The following FHAD1 variants were observed in gnomAD, a reference collection of about 807,000 sequenced individuals.
FHAD1 encodes forkhead-associated domain-containing protein 1.
A neutral mutation model predicts 191.3 loss-of-function variants in FHAD1; 146 were observed. The observed-to-expected ratio is 0.76, with a 90% CI of 0.67 to 0.88. FHAD1 has a LOEUF of 0.88. Ranked by LOEUF, FHAD1 falls within the 40% of genes least tolerant of loss-of-function variation. The pLI is 0.00. For synonymous variants in FHAD1, 616 were observed against 672.3 expected (o/e 0.92, Z 1.29); for missense variants, 1,635 against 1,785.8 (o/e 0.92, Z 1.52).
intron 28 of FHAD1, among the ~76,000 whole-genome samples, chr1:15,378,380 A>G (rs1253949552): frequency 6.6e-6 from 1 of 152,278 alleles, no homozygotes; most frequent in Non-Finnish European, 1.5e-5. Flanking sequence ...TGACAGAGCC[A>G]GGACTGTGTC....
At chr1:15,337,060 T>C (rs1017454871) in intron 14 of FHAD1, among the ~76,000 whole-genome samples, 3 of 152,204 alleles carry the variant, frequency 2.0e-5, no homozygotes, top group Non-Finnish European at 2.9e-5. Flanking sequence ...CAGGAGGGGC[T>C]GCCAGGAAAG....
chr1:15,397,274 G>GC (rs1557481230), intron 33 of FHAD1, 23 bp from the exon 34 acceptor site: 1 of 1,267,466 alleles, frequency 7.9e-7, no homozygotes, highest in African/African-American at 1.5e-5. Flanking sequence ...GAGTTTGTGT[G>GC]TTTTTTCTCT....
chr1:15,360,638 A>G lies in FHAD1; in HGVS notation c.2897A>G (p.Gln966Arg). 3.2e-6 allele frequency: 5 copies of G among 1,552,042 alleles called. No individual in the cohort carries two copies. Among genetic ancestry groups the G allele is most frequent in the Non-Finnish European group, 3.5e-6 (4 of 1,147,070 alleles). Residue 966 changes from glutamine to arginine, a missense_variant, in exon 22 of 34, where the codon CAG (glutamine) becomes CGG (arginine). Gln to Arg is a conservative substitution (Grantham distance 43, BLOSUM62 1). Coordinates refer to ENST00000688493, the MANE Select transcript of FHAD1 (RefSeq NM_001391957.1). ...QTIVSLEEKL[Q>R]KVTQHHKKIE... The stretch of plus-strand genomic sequence containing the variant: ...ATTGTGAGCCTCGAAGAGAAACTCC[A>G]GAAAGTCACTCAGCACCATAAAAAA...
chr1:15,400,669 T>C (rs1707083293), downstream of FHAD1, among the ~76,000 whole-genome samples: 1 of 152,200 alleles, frequency 6.6e-6, no homozygotes, highest in Non-Finnish European at 1.5e-5. Context: ...TAACAAAGAA[T>C]TATTTGATCT....
intron 33 of FHAD1, among the ~76,000 whole-genome samples, chr1:15,394,902 A>G (rs1016411139): frequency 1.3e-5 from 2 of 152,172 alleles, no homozygotes; most frequent in African/African-American, 4.8e-5. Flanking sequence ...AGTATTATCC[A>G]CAGTGTGTCC....
intron 4 of FHAD1, among the ~76,000 whole-genome samples, chr1:15,293,447 C>T (rs563641621): frequency 3.5e-4 from 53 of 152,250 alleles, no homozygotes; most frequent in South Asian, 3.3e-3. Flanking sequence ...TGGCCAGGCG[C>T]GGTGGCTCAT....
At chr1:15,313,883 C>T (rs940831992) in intron 8 of FHAD1, among the ~76,000 whole-genome samples, 1 of 151,630 alleles carries the variant, frequency 6.6e-6, no homozygotes, top group African/African-American at 2.4e-5. Context: ...CCAGCCTGGC[C>T]AACATGGTGA....
chr1:15,265,462 A>G (rs1310289866), intron 2 of FHAD1, among the ~76,000 whole-genome samples: 1 of 152,194 alleles, frequency 6.6e-6, no homozygotes, highest in East Asian at 1.9e-4. Flanking sequence ...TTATCTAAAT[A>G]CAGGAGGGAG....
rs144726884 is a variant in FHAD1 at position 15,273,018 on chromosome 1, A to G, written c.300+489A>G. On this transcript the variant is annotated intron_variant, in intron 3 of 33. Transcript: ENST00000688493. The stretch of plus-strand genomic sequence containing the variant: ...ACGCTCTTAACACATAAGCGCCTGA[A>G]AAGCCAAATCTGTGAAGTCCGAGCC... Among the ~76,000 whole-genome samples the G allele has an allele frequency of 2.2e-4, 33 of 152,268 alleles. No individual in the cohort carries two copies. In the East Asian group the frequency reaches 6.2e-3, roughly 28 times the overall value.
At position 15,310,206 on chromosome 1, in the gene FHAD1, C is replaced by T. The variant is rs114970113; in HGVS notation, c.1039+1470C>T. 4.3e-3 allele frequency among the ~76,000 whole-genome samples: 649 copies of T among 152,300 alleles called. 5 individuals are homozygous for T. Among genetic ancestry groups the T allele is most frequent in the Non-Finnish European group, 7.3e-3 (495 of 68,006 alleles). On this transcript the variant is annotated intron_variant, in intron 7 of 33. Coordinates refer to ENST00000688493, the MANE Select transcript of FHAD1 (RefSeq NM_001391957.1). ...TCCCCCCTGCACAGCAGGAAACATG[C>T]CCGTGGCTGTGAAAGCAGAGCGTAG...
At chr1:15,303,023 G>GTTCA (rs1669310037) in intron 6 of FHAD1, among the ~76,000 whole-genome samples, 2 of 152,184 alleles carry the variant, frequency 1.3e-5, no homozygotes, top group African/African-American at 4.8e-5. Flanking sequence ...GACAGTGTCT[G>GTTCA]TTCATTCATT....
At chr1:15,358,069 T>A in intron 20 of FHAD1, 41 bp from the exon 21 acceptor site, 1 of 1,401,786 alleles carries the variant, frequency 7.1e-7, no homozygotes. Context: ...AAATATGTAT[T>A]CCTGAATGTC....
At chr1:15,241,330 T>C (rs1033618514) in intron 1 of FHAD1, among the ~76,000 whole-genome samples, 2 of 152,086 alleles carry the variant, frequency 1.3e-5, no homozygotes, top group Non-Finnish European at 2.9e-5. Context: ...AAGATGGAAT[T>C]TGTAGGATCC....
intron 23 of FHAD1, among the ~76,000 whole-genome samples, chr1:15,365,335 TTC>T (rs1468717041): frequency 6.6e-6 from 1 of 152,006 alleles, no homozygotes; most frequent in East Asian, 1.9e-4. Context: ...TCTTTTTTCT[TTC>T]TTTCTTTTTT....
chr1:15,310,467 C>T (rs1574217148), intron 7 of FHAD1, among the ~76,000 whole-genome samples: 1 of 152,274 alleles, frequency 6.6e-6, no homozygotes, highest in Non-Finnish European at 1.5e-5. Context: ...TCCATCACAC[C>T]CCATCCACGC....
intron 23 of FHAD1, chr1:15,364,092 G>A (rs555147802): frequency 5.3e-5 from 13 of 246,762 alleles, no homozygotes; most frequent in Admixed American, 2.1e-4. Context: ...CTTCCTTGGC[G>A]TGTGAACATG....
At chr1:15,330,315 ACTTT>A (rs1223895442) in intron 14 of FHAD1, among the ~76,000 whole-genome samples, 1 of 152,142 alleles carries the variant, frequency 6.6e-6, no homozygotes, top group African/African-American at 2.4e-5. Flanking sequence ...GGTATGAATC[ACTTT>A]CTTTCAACAA....
chr1:15,369,324 T>C, intron 25 of FHAD1, 46 bp from the exon 26 acceptor site: 3 of 1,548,148 alleles, frequency 1.9e-6, no homozygotes, highest in East Asian at 4.9e-5. Context: ...TAAAAGTAAT[T>C]TGTGGTTTCC....
At chr1:15,340,232 G>A (rs958443416) in intron 15 of FHAD1, among the ~76,000 whole-genome samples, 10 of 152,220 alleles carry the variant, frequency 6.6e-5, no homozygotes, top group Admixed American at 6.5e-5. Flanking sequence ...ATATTCTAGA[G>A]GCAAATGAGC....
Sources: allele counts gnomAD v4.1 joint callset (sites outside exome capture counted in the v4.1 genomes callset), GRCh38; gene constraint gnomAD v4.1.1; transcripts MANE v1.5; gene names NCBI Gene and HGNC (gene_info 2026-07-23, HGNC 2026-07-21).